The following HUWE1 variants were observed in gnomAD, a reference collection of about 807,000 sequenced individuals.
HUWE1 encodes HECT, UBA and WWE domain containing E3 ubiquitin protein ligase 1.
A neutral mutation model predicts 299.4 loss-of-function variants in HUWE1; 18 were observed. The observed-to-expected ratio is 0.06, with a 90% CI of 0.04 to 0.09. HUWE1 has a LOEUF of 0.09. HUWE1 is among the 10% of genes least tolerant of loss of function. The pLI, the probability that HUWE1 is intolerant of heterozygous loss-of-function variation, is 1.00. For synonymous variants in HUWE1, 1,317 were observed against 1,286.1 expected, an observed-to-expected ratio of 1.02 and a Z score of -0.51; for missense variants, 1,832 against 3,462.3, an observed-to-expected ratio of 0.53 and a Z score of 11.82.
intron 3 of HUWE1, among the ~76,000 whole-genome samples, chrX:53,666,084 AG>A (rs2069239225): frequency 8.9e-6 from 1 of 112,735 alleles, no homozygotes; most frequent in African/African-American, 3.2e-5. Context: ...CAATGAGTTC[AG>A]GAAAGTATTT....
intron 66 of HUWE1, among the ~76,000 whole-genome samples, chrX:53,550,264 A>G (rs1465997317): frequency 9.1e-6 from 1 of 110,045 alleles, no homozygotes; most frequent in Non-Finnish European, 1.9e-5. Context: ...GGAACCAATC[A>G]CTCCTTTCAC....
At chrX:53,581,611 T>C (rs782584822) in intron 42 of HUWE1, among the ~76,000 whole-genome samples, 5 of 112,273 alleles carry the variant, frequency 4.5e-5, no homozygotes, top group Non-Finnish European at 7.5e-5. Context: ...TTTTCCATTA[T>C]CTGTTATTTC....
chrX:53,623,162 C>A (rs1304337275), intron 19 of HUWE1, among the ~76,000 whole-genome samples: 3 of 111,177 alleles, frequency 2.7e-5, no homozygotes, highest in African/African-American at 9.8e-5. Flanking sequence ...TATCCCAGCA[C>A]CTAAGCACTA....
At chrX:53,600,095 T>G in intron 29 of HUWE1, 23 bp downstream of exon 29, 2 of 1,183,008 alleles carry the variant, frequency 1.7e-6, no homozygotes, top group Non-Finnish European at 2.3e-6. Context: ...CCAGAAAAGG[T>G]AGGAGAAAGG....
rs781930538 is a variant in HUWE1 at position 53,536,296 on chromosome X, G to C, written c.12426-44C>G. 6.4e-5 allele frequency: 74 copies of C among 1,147,342 alleles called. No homozygotes were observed. The East Asian group carries it at 2.0e-3, about 31-fold the overall frequency. 94.6% of individuals were successfully genotyped at this position (1,147,342 alleles called of 1,213,427 possible). A position where few individuals can be genotyped will look rare whatever the true frequency, so the allele number is the denominator to read the frequency against. On this transcript the variant is annotated intron_variant, in intron 79 of 83. Coordinates refer to ENST00000262854, the MANE Select transcript of HUWE1 (RefSeq NM_031407.7). ...ACAGGGTCATGGTTTGCGAGTGGGGGGGAAGAAGGAGCACAAGGATGGGAC... is the reference window on the plus strand; with the variant it reads ...ACAGGGTCATGGTTTGCGAGTGGGGCGGAAGAAGGAGCACAAGGATGGGAC...
chrX:53,537,689 G>A lies in HUWE1; in HGVS notation c.12004C>T (p.Arg4002Cys), dbSNP rs1261797906. The A allele has an allele frequency of 5.0e-6, 6 of 1,206,265 alleles. No homozygotes were observed. The African/African-American group carries it at 5.3e-5, about 11-fold the overall frequency. The change falls in exon 78 of 84, where the codon CGC (arginine) becomes TGC (cysteine). Residue 4002 changes from arginine (R) to cysteine (C), a missense_variant. Arg to Cys is a radical substitution (Grantham distance 180, BLOSUM62 -3). This residue lies in a region of HUWE1 where 129 missense variants were observed against 439.4 expected (regional missense o/e 0.29). Coordinates refer to ENST00000262854, the MANE Select transcript of HUWE1 (RefSeq NM_031407.7). The part of the protein sequence containing the change: ...LDFDVKRKYF[R>C]QELERLDEGL... ...TCATCTAAACGCTCCAGCTCTTGGC[G>A]GAAATATCTTGGGAGGTAGAAAAGG...
Position 53,552,345 on chromosome X carries a change from A to G in HUWE1, c.8847T>C (p.Pro2949=). The change falls in exon 63 of 84, where the codon CCT becomes CCC. Residue 2949 remains proline, a synonymous_variant. Coordinates refer to ENST00000262854, the MANE Select transcript of HUWE1 (RefSeq NM_031407.7). ...GATCTTCTTCTTCACTGCTTGTTGAAGGCAACGGCTCTTCTAGGATTCCTC... is the reference window on the plus strand; with the variant it reads ...GATCTTCTTCTTCACTGCTTGTTGAGGGCAACGGCTCTTCTAGGATTCCTC... ...DSRGILEEPL[P]STSSEEEDPL... The G allele has an allele frequency of 8.3e-7, 1 of 1,209,675 alleles. No individual in the cohort carries two copies. Among genetic ancestry groups the G allele is most frequent in the Non-Finnish European group, 1.1e-6 (1 of 894,992 alleles).
intron 29 of HUWE1, among the ~76,000 whole-genome samples, chrX:53,597,959 G>A (rs187440790): frequency 5.4e-4 from 60 of 111,834 alleles, no homozygotes; most frequent in Admixed American, 5.1e-3. Flanking sequence ...CTGATATTGT[G>A]CAGAACTTAA....
At chrX:53,566,258 A>G (rs2062565249) in intron 49 of HUWE1, among the ~76,000 whole-genome samples, 2 of 104,342 alleles carry the variant, frequency 1.9e-5, no homozygotes, top group Non-Finnish European at 1.9e-5. Context: ...GGAATAGGGC[A>G]AGGAAGGGAT....
intron 13 of HUWE1, 39 bp from the exon 14 acceptor site, chrX:53,628,941 T>C (rs1557020334): frequency 1.8e-6 from 2 of 1,118,399 alleles, no homozygotes; most frequent in African/African-American, 1.8e-5. Flanking sequence ...GTGTCAAATA[T>C]AATAAGATGA....
intron 81 of HUWE1, among the ~76,000 whole-genome samples, chrX:53,535,158 C>A (rs1180544894): frequency 1.8e-5 from 2 of 111,423 alleles, no homozygotes; most frequent in African/African-American, 6.5e-5. Flanking sequence ...TGGTCTCAAA[C>A]TCCTCACCTC....
chrX:53,566,133 G>GTGTGTATA (rs782815282), intron 49 of HUWE1, among the ~76,000 whole-genome samples: 657 of 38,852 alleles, frequency 0.017, 10 homozygotes, highest in Non-Finnish European at 0.023. Context: ...GTGTGTGTGT[G>GTGTGTATA]TATATATATA....
chrX:53,535,373 AT>A lies in HUWE1; in HGVS notation c.12649+10del. 9.3e-7 allele frequency: 1 copy of A among 1,070,581 alleles called. No individual in the cohort carries two copies. Among genetic ancestry groups the A allele is most frequent in the Non-Finnish European group, 1.3e-6 (1 of 766,719 alleles). The allele number at this position is 1,070,581 out of a possible 1,213,427, so 88.2% of individuals were successfully genotyped here. The stretch of plus-strand genomic sequence containing the variant: ...ATTGAGCAACTAGAGGTCTAGGAAC[AT>A]TTCCCCTACCTGTCATTCTCATCTG... On this transcript the variant is annotated intron_variant, in intron 81 of 83. Coordinates refer to ENST00000262854, the MANE Select transcript of HUWE1 (RefSeq NM_031407.7).
At chrX:53,569,520 A>T (rs1457355457) in intron 48 of HUWE1, 96 bp downstream of exon 48, 46 of 794,180 alleles carry the variant, frequency 5.8e-5, no homozygotes, top group Non-Finnish European at 8.3e-5. Context: ...CCAGTATGAC[A>T]AGAAGTTTTG....
rs782479005 is a variant in HUWE1 at position 53,617,370 on chromosome X, A to G, written c.1749T>C (p.Asp583=). ...LSSLQDNGLT[D]VMLHALLIKD... Reference sequence around the variant, plus strand: ...TGATAAGCAGTGCATGCAGCATGACATCTGTCAATCCATTGTCCTGGAGTG... The same window carrying G: ...TGATAAGCAGTGCATGCAGCATGACGTCTGTCAATCCATTGTCCTGGAGTG... The change falls in exon 20 of 84, where the codon GAT becomes GAC. Residue 583 remains aspartate (D), a synonymous_variant. Coordinates refer to ENST00000262854, the MANE Select transcript of HUWE1 (RefSeq NM_031407.7). The G allele has an allele frequency of 1.7e-6, 2 of 1,197,695 alleles. No homozygotes were observed. The highest frequency in any genetic ancestry group is 2.3e-6 in the Non-Finnish European group (2 of 884,083).
intron 19 of HUWE1, 21 bp downstream of exon 19, chrX:53,624,574 C>T (rs2066363723): frequency 9.2e-7 from 1 of 1,091,904 alleles, no homozygotes; most frequent in Non-Finnish European, 1.3e-6. Context: ...ATTGTTATAA[C>T]CAACTATCAA....
chrX:53,619,212 G>A (rs1317339992), intron 19 of HUWE1, among the ~76,000 whole-genome samples: 2 of 111,193 alleles, frequency 1.8e-5, no homozygotes, highest in Non-Finnish European at 3.8e-5. Flanking sequence ...AATGGCCTTT[G>A]GGATTCCTCA....
chrX:53,568,694 G>T lies in HUWE1; in HGVS notation c.6705C>A (p.Ser2235=). The T allele has an allele frequency of 8.3e-7, 1 of 1,208,452 alleles. No individual in the cohort carries two copies. Among genetic ancestry groups the T allele is most frequent in the Non-Finnish European group, 1.1e-6 (1 of 893,154 alleles). ...CTGGGGCTGGGGCATGATTTTACCTGGACAGGTCTAAGCTGTGAGGTACTC... is the reference window on the plus strand; with the variant it reads ...CTGGGGCTGGGGCATGATTTTACCTTGACAGGTCTAAGCTGTGAGGTACTC... ...LARVPHSLDL[S]SPNMANTVNA... The change falls in exon 49 of 84, where the codon TCC becomes TCA. Residue 2235 remains serine (S), a splice_region_variant and synonymous_variant. Transcript: ENST00000262854.
At chrX:53,682,526 A>T (rs1311804907) in intron 2 of HUWE1, among the ~76,000 whole-genome samples, 1 of 111,158 alleles carries the variant, frequency 9.0e-6, no homozygotes, top group South Asian at 3.8e-4. Context: ...GAGGAAATAA[A>T]GAACAGGGCA....
Sources: gnomAD v4.1 joint callset for allele counts (sites outside exome capture counted in the v4.1 genomes callset) on GRCh38, gnomAD v4.1.1 for gene constraint, gnomAD v4.1.1 regional missense constraint, MANE v1.5 for transcripts, NCBI Gene and HGNC (gene_info 2026-07-23, HGNC 2026-07-21) for gene names.